PHF24: variants seen among roughly 807,000 people sequenced by gnomAD.
The protein encoded by PHF24 is Galpha inhibitory interacting protein.
A neutral mutation model predicts 42.6 loss-of-function variants in PHF24; 25 were observed. That is an observed-to-expected ratio of 0.59 (90% CI 0.43 to 0.82). The LOEUF (loss-of-function observed/expected upper bound fraction) is 0.82, where lower values mean the gene tolerates loss of function less well. Ranked by LOEUF, PHF24 falls within the 40% of genes least tolerant of loss-of-function variation. PHF24 has a pLI of 0.00. For synonymous variants in PHF24, 185 were observed against 204.8 expected, an observed-to-expected ratio of 0.90 and a Z score of 0.83; for missense variants, 470 against 538.1, an observed-to-expected ratio of 0.87 and a Z score of 1.25.
At chr9:34,736,694 C>A in the PHF24 span, among the ~76,000 whole-genome samples, 1 of 152,112 alleles carries the variant, frequency 6.6e-6, no homozygotes, top group South Asian at 2.1e-4. Context: ...AAGAACAGAC[C>A]TAGACATGTA....
chr9:34,702,809 C>CA, the PHF24 span, among the ~76,000 whole-genome samples: 7 of 151,846 alleles, frequency 4.6e-5, no homozygotes, highest in East Asian at 1.9e-4. Flanking sequence ...GACCCTGTCT[C>CA]AAAAAAAGAA....
the PHF24 span, among the ~76,000 whole-genome samples, chr9:34,850,926 C>T: frequency 1.3e-5 from 2 of 152,130 alleles, no homozygotes; most frequent in Non-Finnish European, 1.5e-5. Context: ...TTTTGTGAAC[C>T]GCGAATGCTG....
At chr9:34,952,765 A>G (rs918467024), upstream of PHF24, among the ~76,000 whole-genome samples, 1 of 152,204 alleles carries the variant, frequency 6.6e-6, no homozygotes, top group Admixed American at 6.5e-5. Flanking sequence ...ATTGCCATAC[A>G]AAGAACTACA....
At chr9:34,809,291 AT>A in the PHF24 span, among the ~76,000 whole-genome samples, 5 of 152,172 alleles carry the variant, frequency 3.3e-5, no homozygotes, top group Non-Finnish European at 7.4e-5. The surrounding 1 kb of genome is among the most constrained non-coding windows in gnomAD (Gnocchi z 4.1). Flanking sequence ...TCAGCATTTC[AT>A]TTGTACTTCT....
At chr9:34,925,208 G>A in the PHF24 span, among the ~76,000 whole-genome samples, 1 of 152,232 alleles carries the variant, frequency 6.6e-6, no homozygotes, top group South Asian at 2.1e-4. Flanking sequence ...TGGCTTGTAA[G>A]GCTTCTGCTG....
chr9:34,794,196 T>C, the PHF24 span, among the ~76,000 whole-genome samples: 2 of 152,118 alleles, frequency 1.3e-5, no homozygotes, highest in Admixed American at 1.3e-4. Context: ...CCAAATCCCA[T>C]ACTGAGCACT....
At chr9:34,689,829 C>T in the PHF24 span, 49 of 1,614,018 alleles carry the variant, frequency 3.0e-5, no homozygotes, top group Admixed American at 8.3e-5. The surrounding 1 kb of genome is among the most constrained non-coding windows in gnomAD (Gnocchi z 4.1). Context: ...TTAACTGCTG[C>T]GGCGCTTCAT....
the PHF24 span, among the ~76,000 whole-genome samples, chr9:34,704,368 T>A: frequency 6.6e-6 from 1 of 152,072 alleles, no homozygotes; most frequent in Non-Finnish European, 1.5e-5. Flanking sequence ...ATCCTCTATA[T>A]CTGTATCAAA....
chr9:34,834,500 A>G, the PHF24 span: 693 of 1,551,624 alleles, frequency 4.5e-4, no homozygotes, highest in African/African-American at 4.9e-3. Flanking sequence ...GCGATGGCGA[A>G]TCGACTGTTT....
the PHF24 span, chr9:34,922,105 C>T: frequency 2.4e-6 from 3 of 1,231,012 alleles, no homozygotes; most frequent in Admixed American, 5.3e-5. Flanking sequence ...TTGTAAACAA[C>T]TATTTGTGGG....
chr9:34,827,573 G>T, the PHF24 span, among the ~76,000 whole-genome samples: 1 of 152,028 alleles, frequency 6.6e-6, no homozygotes, highest in African/African-American at 2.4e-5. Flanking sequence ...TGATGGGATG[G>T]TGAGTGATCC....
chr9:34,971,698 G>A (rs1364630568), intron 2 of PHF24, 22 bp downstream of exon 2: 1 of 1,581,088 alleles, frequency 6.3e-7, no homozygotes, highest in African/African-American at 1.3e-5. Context: ...GTTAGGACAG[G>A]ATCCTCAAGT....
exon 8 of PHF24, chr9:34,978,206 G>A: frequency 1.1e-6 from 1 of 934,306 alleles, no homozygotes; most frequent in Non-Finnish European, 1.7e-6. Flanking sequence ...GAGACTCATG[G>A]GGTTGGGACA....
At chr9:34,875,954 T>A in the PHF24 span, among the ~76,000 whole-genome samples, 544 of 22,820 alleles carry the variant, frequency 0.024, 1 homozygote, top group South Asian at 0.091. Context: ...ACACACACTC[T>A]CTCTCTCTCT....
chr9:34,760,529 T>C, the PHF24 span, among the ~76,000 whole-genome samples: 5 of 152,234 alleles, frequency 3.3e-5, no homozygotes, highest in African/African-American at 4.8e-5. Flanking sequence ...TTCCAAGAAG[T>C]TGGGCAGGAA....
At chr9:34,727,138 G>T in the PHF24 span, 1 of 1,404,184 alleles carries the variant, frequency 7.1e-7, no homozygotes, top group Non-Finnish European at 9.3e-7. Flanking sequence ...TCCTTGCTAA[G>T]AAAATGCCAT....
At chr9:34,780,634 A>G in the PHF24 span, among the ~76,000 whole-genome samples, 1 of 152,150 alleles carries the variant, frequency 6.6e-6, no homozygotes, top group Non-Finnish European at 1.5e-5. Flanking sequence ...ACGAAGAAAA[A>G]TAGGTAAATT....
At chr9:34,737,776 C>T in the PHF24 span, among the ~76,000 whole-genome samples, 1 of 152,020 alleles carries the variant, frequency 6.6e-6, no homozygotes, top group East Asian at 1.9e-4. Flanking sequence ...TTATATTTTC[C>T]AAAAATTGAC....
At chr9:34,816,493 T>C in the PHF24 span, among the ~76,000 whole-genome samples, 298 of 152,270 alleles carry the variant, frequency 2.0e-3, 2 homozygotes, top group South Asian at 0.015. Flanking sequence ...TTTCTTATAG[T>C]GTAGGAAGCT....
Sources: allele counts gnomAD v4.1 joint callset (sites outside exome capture counted in the v4.1 genomes callset), GRCh38; gene constraint gnomAD v4.1.1; non-coding constraint Gnocchi (gnomAD v3.1); transcripts MANE v1.5; gene names NCBI Gene and HGNC (gene_info 2026-07-23, HGNC 2026-07-21).